Variants in ISM2 observed in about 807,000 individuals in gnomAD.
ISM2 encodes isthmin 2, also known as isthmin-2.
In ISM2, 50 loss-of-function variants were observed where a neutral mutation model predicts 58.0. The observed-to-expected ratio is 0.86, with a 90% CI of 0.69 to 1.09. The LOEUF is 1.09. Ranked by LOEUF, ISM2 falls within the 50% of genes least tolerant of loss-of-function variation. ISM2 has a pLI of 0.00. For missense variants in ISM2, 723 were observed against 745.0 expected, an observed-to-expected ratio of 0.97 and a Z score of 0.34; for synonymous variants, 303 against 312.4, an observed-to-expected ratio of 0.97 and a Z score of 0.32.
intron 1 of ISM2, 83 bp from the exon 2 acceptor site, chr14:77,485,002 G>A: frequency 7.0e-7 from 1 of 1,422,286 alleles, no homozygotes; most frequent in Non-Finnish European, 9.5e-7. Flanking sequence ...GGCAGATCCA[G>A]GAGCCCTGGG....
intron 3 of ISM2, among the ~76,000 whole-genome samples, chr14:77,483,535 G>A (rs1385894479): frequency 1.4e-5 from 2 of 144,306 alleles, no homozygotes; most frequent in African/African-American, 5.2e-5. Flanking sequence ...GCAACAGAGC[G>A]AGACTCCATC....
chr14:77,478,397 C>G (rs186704439), intron 5 of ISM2, 72 bp from the exon 6 acceptor site: 4 of 1,477,176 alleles, frequency 2.7e-6, no homozygotes, highest in Non-Finnish European at 3.8e-6. Flanking sequence ...GAAACCCCCC[C>G]ACCTCAATAG....
chr14:77,497,103 C>T (rs1294011464), intron 1 of ISM2, among the ~76,000 whole-genome samples: 3 of 152,048 alleles, frequency 2.0e-5, no homozygotes, highest in Admixed American at 2.0e-4. Context: ...GGTGCAGTGG[C>T]TCACACCTGT....
chr14:77,484,490 C>T lies in ISM2; in HGVS notation c.460G>A (p.Ala154Thr). ...CAACATCCATGTTGGTGTAGCTCTG[C>T]CTGCAGGTGGGTTCTGGGGAGCAGT... ...ARLLPRTHLQ[A>T]ELHQHGCWTV... The change falls in exon 3 of 7, where the codon GCA (alanine) becomes ACA (threonine). Residue 154 changes from alanine (A) to threonine (T), a missense_variant. Physicochemically the swap from Ala to Thr is moderately conservative, Grantham distance 58. Coordinates refer to ENST00000342219, the MANE Select transcript of ISM2 (RefSeq NM_199296.3). 1 of 1,606,810 alleles carries T rather than the reference C, an allele frequency of 6.2e-7. No individual in the cohort carries two copies. The highest frequency in any genetic ancestry group is 1.1e-5 in the South Asian group (1 of 90,004).
intron 4 of ISM2, among the ~76,000 whole-genome samples, chr14:77,481,807 G>GAAA (rs3075833): frequency 2.0e-4 from 30 of 148,340 alleles, no homozygotes; most frequent in East Asian, 7.9e-4. Context: ...CAGAAAAAAA[G>GAAA]AAAAAAAAAA....
In ISM2 at chr14:77,482,619, G is replaced by T. The variant is rs757401993; in HGVS notation, c.676C>A (p.Leu226Met). Reference protein sequence around the residue: ...EDPQAEVSIDLLAEPSNPPPQ... With the variant: ...EDPQAEVSIDMLAEPSNPPPQ... ...GGGGGATTGCTGGGCTCAGCCAACA[G>T]GTCTATCGACACCTCGGCCTGGGGG... The change falls in exon 4 of 7, where the codon CTG becomes ATG. Residue 226 changes from leucine (L) to methionine (M), a missense_variant. Coordinates refer to ENST00000342219, the MANE Select transcript of ISM2 (RefSeq NM_199296.3). 42 of 1,598,098 alleles carry T rather than the reference G, an allele frequency of 2.6e-5. 1 individual carries two copies. Among genetic ancestry groups the T allele is most frequent in the Middle Eastern group, 3.3e-4 (2 of 6,002 alleles).
At position 77,475,891 on chromosome 14, in the gene ISM2, A is replaced by C. The variant is rs1566751890; in HGVS notation, c.1420T>G (p.Phe474Val). 6.2e-7 allele frequency: 1 copy of C among 1,604,160 alleles called. No homozygotes were observed. Among genetic ancestry groups the C allele is most frequent in the African/African-American group, 1.3e-5 (1 of 74,938 alleles). ...RLDIYQPTARFCLRSMLSGES... is the reference protein window; with the variant it reads ...RLDIYQPTARVCLRSMLSGES... ...CCAGACAGCATGGAACGCAGGCAGA[A>C]GCGCGCCGTGGGCTGGTAGATGTCC... The change falls in exon 7 of 7, where the codon TTC (phenylalanine) becomes GTC (valine). Residue 474 changes from phenylalanine to valine, a missense_variant. By Grantham distance (50) the Phe-to-Val change is conservative. Coordinates refer to ENST00000342219, the MANE Select transcript of ISM2 (RefSeq NM_199296.3). This position sits in a 1 kb window ranked among gnomAD's most constrained non-coding sequence, Gnocchi z 4.1.
chr14:77,486,679 T>A (rs1333882100), intron 1 of ISM2, among the ~76,000 whole-genome samples: 1 of 152,134 alleles, frequency 6.6e-6, no homozygotes. Flanking sequence ...GCAGCAGGTG[T>A]TCAGGGCTGT....
In ISM2 at chr14:77,482,396, T is replaced by C. The variant is rs779855060; in HGVS notation, c.899A>G (p.Asn300Ser). 13 of 1,614,080 alleles carry C rather than the reference T, an allele frequency of 8.1e-6. No homozygotes were observed. Among genetic ancestry groups the C allele is most frequent in the East Asian group, 4.5e-5 (2 of 44,894 alleles). The change falls in exon 4 of 7, where the codon AAT becomes AGT. Residue 300 changes from asparagine to serine, a missense_variant. Transcript: ENST00000342219. ...EDEEEQALWF[N>S]GTTDNWDQGW... ...CTGGTCCCAGTTGTCTGTAGTTCCA[T>C]TGAACCAGAGCGCCTGCTCTTCCTC...
intron 4 of ISM2, among the ~76,000 whole-genome samples, chr14:77,480,882 T>A (rs74681263): frequency 6.6e-6 from 1 of 152,014 alleles, no homozygotes; most frequent in Non-Finnish European, 1.5e-5. Context: ...TCTGTGAGTT[T>A]ACATTATTTT....
At chr14:77,479,426 C>G (rs10431633) in intron 4 of ISM2, among the ~76,000 whole-genome samples, 60,507 of 148,618 alleles carry the variant, frequency 0.41, 14,808 homozygotes, top group East Asian at 0.92. Flanking sequence ...CTCTGTCGCC[C>G]AGGCTGGAGT....
rs1594952837 is a variant in ISM2 at position 77,489,370 on chromosome 14, A to T, written c.142-4451T>A. On this transcript the variant is annotated intron_variant, in intron 1 of 6. Transcript: ENST00000342219. The stretch of plus-strand genomic sequence containing the variant: ...TGCTGGAGACCCAGCACACAACAGC[A>T]ATTGCCTCTTTAGCCAGGCCTGAGA... 2.0e-5 allele frequency among the ~76,000 whole-genome samples: 3 copies of T among 152,268 alleles called. 1 individual carries two copies. Among genetic ancestry groups the T allele is most frequent in the Admixed American group, 2.0e-4 (3 of 15,282 alleles).
At position 77,475,907 on chromosome 14, in the gene ISM2, G is replaced by C. The variant is rs760070443; in HGVS notation, c.1404C>G (p.Tyr468Ter). Residue 468 changes from tyrosine (Y) to a stop codon, truncating the protein, a stop_gained, in exon 7 of 7, where the codon TAC (tyrosine) becomes TAG (stop). Coordinates refer to ENST00000342219, the MANE Select transcript of ISM2 (RefSeq NM_199296.3). LOFTEE classifies it high-confidence loss of function. The surrounding 1 kb of genome is among the most constrained non-coding windows in gnomAD (Gnocchi z 4.1). Reference sequence around the variant, plus strand: ...GCAGGCAGAAGCGCGCCGTGGGCTGGTAGATGTCCAGGCGCTCGCGAGGGC... The same window carrying C: ...GCAGGCAGAAGCGCGCCGTGGGCTGCTAGATGTCCAGGCGCTCGCGAGGGC... ...ASGPRERLDIYQPTARFCLRS... is the reference protein window; with the variant it reads ...ASGPRERLDI The C allele has an allele frequency of 6.2e-6, 10 of 1,602,140 alleles. No homozygotes were observed. The highest frequency in any genetic ancestry group is 8.5e-6 in the Non-Finnish European group (10 of 1,179,882).
rs1863644767 is a variant in ISM2, at chr14:77,475,747, G to A, written c.1564C>T (p.His522Tyr). The change falls in exon 7 of 7, where the codon CAC (histidine) becomes TAC (tyrosine). Residue 522 changes from histidine (H) to tyrosine (Y), a missense_variant. By Grantham distance (83) the His-to-Tyr change is moderately conservative (BLOSUM62 2). Transcript: ENST00000342219. The surrounding 1 kb of genome is among the most constrained non-coding windows in gnomAD (Gnocchi z 4.1). ...LISTDFSPKLHFKFDTTPWIL... is the reference protein window; with the variant it reads ...LISTDFSPKLYFKFDTTPWIL... ...CAGGGCGTCGTGTCGAACTTGAAGTGCAGCTTAGGTGAGAAGTCGGTGCTG... is the reference window on the plus strand; with the variant it reads ...CAGGGCGTCGTGTCGAACTTGAAGTACAGCTTAGGTGAGAAGTCGGTGCTG... 6.2e-7 allele frequency: 1 copy of A among 1,613,754 alleles called. No homozygotes were observed. The highest frequency in any genetic ancestry group is 8.5e-7 in the Non-Finnish European group (1 of 1,179,956).
chr14:77,491,691 C>CTTTTTTTT (rs777579764), intron 1 of ISM2, among the ~76,000 whole-genome samples: 3 of 105,268 alleles, frequency 2.8e-5, no homozygotes, highest in African/African-American at 7.6e-5. Context: ...CGCGTCTGGT[C>CTTTTTTTT]TTTTTTTTTT....
chr14:77,474,825 C>G lies in ISM2; in HGVS notation c.*770G>C, dbSNP rs2079086270. 1 of 152,324 alleles carries G rather than the reference C, an allele frequency of 6.6e-6. No homozygotes were observed. The highest frequency in any genetic ancestry group is 1.5e-5 in the Non-Finnish European group (1 of 68,134). The allele number at this position is 152,324 out of a possible 1,614,324, so 9.4% of individuals were successfully genotyped here. ...GGCTACTGTGACAAGCTGTCACCTCCCCACTCGGGGGGAGTGCCAACTCCC... is the reference window on the plus strand; with the variant it reads ...GGCTACTGTGACAAGCTGTCACCTCGCCACTCGGGGGGAGTGCCAACTCCC... On this transcript the variant is annotated 3_prime_UTR_variant, in exon 7 of 7. Transcript: ENST00000342219.
rs768334259 is a variant in ISM2, at chr14:77,498,706, T to G, written c.88A>C (p.Lys30Gln). The G allele has an allele frequency of 8.8e-6, 13 of 1,484,344 alleles. No homozygotes were observed. In the African/African-American group the frequency reaches 1.8e-4, roughly 20 times the overall value. The allele number at this position is 1,484,344 out of a possible 1,614,324, so 91.9% of individuals were successfully genotyped here. A position where few individuals can be genotyped will look rare whatever the true frequency, so the allele number is the denominator to read the frequency against. Residue 30 changes from lysine (K) to glutamine (Q), a missense_variant, in exon 1 of 7, where the codon AAG (lysine) becomes CAG (glutamine). Transcript: ENST00000342219. The stretch of plus-strand genomic sequence containing the variant: ...CGTGGTCCGCGGAGCCGCGGCTTCT[T>G]CACGGGGAGCCCTAGCGCCGCCTCC... ...LLEAALGLPV[K>Q]KPRLRGPRPG...
chr14:77,494,167 C>G (rs1011561112), intron 1 of ISM2, among the ~76,000 whole-genome samples: 1 of 152,288 alleles, frequency 6.6e-6, no homozygotes, highest in Middle Eastern at 3.4e-3. Context: ...CCTGGCTAGG[C>G]TTAACTTTTC....
chr14:77,498,025 C>T (rs1346711957), intron 1 of ISM2, among the ~76,000 whole-genome samples: 5 of 152,142 alleles, frequency 3.3e-5, no homozygotes, highest in African/African-American at 1.2e-4. Context: ...ACTGTAGACC[C>T]CTCAGTGACT....
Sources: gnomAD v4.1 joint callset for allele counts (sites outside exome capture counted in the v4.1 genomes callset) on GRCh38, gnomAD v4.1.1 for gene constraint, Gnocchi (gnomAD v3.1) non-coding constraint, MANE v1.5 for transcripts, NCBI Gene and HGNC (gene_info 2026-07-23, HGNC 2026-07-21) for gene names.